Variants in AARS1 observed in about 807,000 individuals in gnomAD.
The protein encoded by AARS1 is alanine--tRNA ligase, cytoplasmic.
Under a neutral mutation model 108.9 loss-of-function variants are expected in AARS1, and 72 were observed. That is an observed-to-expected ratio of 0.66 (90% CI 0.55 to 0.80). AARS1 has a LOEUF of 0.80. Ranked by LOEUF, AARS1 falls within the 30% of genes least tolerant of loss-of-function variation. The pLI is 0.00. For synonymous variants in AARS1, 489 were observed against 465.7 expected (o/e 1.05, Z -0.64); for missense variants, 1,193 against 1,233.2 (o/e 0.97, Z 0.49).
chr16:70,273,027 T>A (rs1204531793), intron 4 of AARS1, among the ~76,000 whole-genome samples: 1 of 151,982 alleles, frequency 6.6e-6, no homozygotes, highest in Non-Finnish European at 1.5e-5. Flanking sequence ...AGCGTCAAGA[T>A]TAATATTTAA....
intron 19 of AARS1, 23 bp downstream of exon 19, chr16:70,253,691 G>A (rs1959905202): frequency 6.2e-7 from 1 of 1,611,738 alleles, no homozygotes; most frequent in Non-Finnish European, 8.5e-7. Context: ...CCCTAGGGGA[G>A]GGGACCCTGG....
rs57976512 is a variant in AARS1 at position 70,282,331 on chromosome 16, G to GAAAAAA, written c.144+283_144+288dup. 3.4e-4 allele frequency among the ~76,000 whole-genome samples: 38 copies of GAAAAAA among 110,288 alleles called. 2 individuals carry two copies. In the South Asian group the frequency reaches 0.012, roughly 34 times the overall value. 72.4% of individuals were successfully genotyped at this position (110,288 alleles called of 152,430 possible). A position where few individuals can be genotyped will look rare whatever the true frequency, so the allele number is the denominator to read the frequency against. On this transcript the variant is annotated intron_variant, in intron 2 of 20. Coordinates refer to ENST00000261772, the MANE Select transcript of AARS1 (RefSeq NM_001605.3). Reference sequence around the variant, plus strand: ...ATGACAGAGCGAGACTCCGTCTCAGGAAAAAAAAAAAAAAAAAAAAGCTAA... The same window carrying GAAAAAA: ...ATGACAGAGCGAGACTCCGTCTCAGGAAAAAAAAAAAAAAAAAAAAAAAAAAGCTAA...
intron 12 of AARS1, 42 bp from the exon 13 acceptor site, chr16:70,261,199 A>C (rs1319007795): frequency 6.9e-7 from 1 of 1,458,440 alleles, no homozygotes; most frequent in Non-Finnish European, 9.6e-7. Context: ...AAATCCTTAA[A>C]AACATACAAA....
chr16:70,261,235 C>A (rs1023660693), intron 12 of AARS1, 78 bp from the exon 13 acceptor site: 63 of 1,023,454 alleles, frequency 6.2e-5, no homozygotes, highest in Non-Finnish European at 8.7e-5. Flanking sequence ...AATATAAACT[C>A]GTGTATATAA....
At chr16:70,262,220 A>G in intron 12 of AARS1, 126 bp downstream of exon 12, 1 of 1,178,896 alleles carries the variant, frequency 8.5e-7, no homozygotes, top group Non-Finnish European at 1.3e-6. Context: ...CTTCAGAAAT[A>G]CCATGGAACC....
At chr16:70,285,668 C>G (rs996441584) in intron 1 of AARS1, among the ~76,000 whole-genome samples, 2 of 152,092 alleles carry the variant, frequency 1.3e-5, no homozygotes, top group African/African-American at 4.8e-5. Flanking sequence ...AGCCTGGTCT[C>G]GAACTCCTGA....
At position 70,282,706 on chromosome 16, in the gene AARS1, T is replaced by C. The variant is rs770697148; in HGVS notation, c.58A>G (p.Arg20Gly). ...IRQRFIDFFK[R>G]NEHTYVHSSA... ...GAGTGAACATACGTATGCTCGTTCCTCTTGAAGAAATCTATAAATCGCTGC... is the reference window on the plus strand; with the variant it reads ...GAGTGAACATACGTATGCTCGTTCCCCTTGAAGAAATCTATAAATCGCTGC... Residue 20 changes from arginine (R) to glycine (G), a missense_variant, in exon 2 of 21, where the codon AGG (arginine) becomes GGG (glycine). Arg to Gly is a moderately radical substitution (Grantham distance 125). Transcript: ENST00000261772. 1.2e-5 allele frequency: 20 copies of C among 1,614,026 alleles called. No individual in the cohort carries two copies. The Admixed American group carries it at 2.7e-4, about 22-fold the overall frequency.
At chr16:70,268,191 T>C (rs984391707) in intron 8 of AARS1, 80 bp downstream of exon 8, 3 of 1,331,566 alleles carry the variant, frequency 2.3e-6, no homozygotes, top group African/African-American at 1.4e-5. Flanking sequence ...AAAAAGCTGC[T>C]TAACAGTATG....
At position 70,271,981 on chromosome 16, in the gene AARS1, G is replaced by C. The variant is rs376371821; in HGVS notation, c.480-9C>G. The C allele has an allele frequency of 3.1e-6, 5 of 1,613,368 alleles. No homozygotes were observed. Among genetic ancestry groups the C allele is most frequent in the Non-Finnish European group, 4.2e-6 (5 of 1,179,480 alleles). The stretch of plus-strand genomic sequence containing the variant: ...TTTTGGTGTCATCCAGCCTGACAAA[G>C]GAGTAAAGATAAGTCCAGTTACAGC... On this transcript the variant is annotated splice_polypyrimidine_tract_variant and intron_variant, in intron 4 of 20. Coordinates refer to ENST00000261772, the MANE Select transcript of AARS1 (RefSeq NM_001605.3).
At position 70,255,185 on chromosome 16, in the gene AARS1, C is replaced by T. The variant is rs966897818; in HGVS notation, c.2287-451G>A. ...ATGGAGACAGGAGGGGGTAGATGGC[C>T]AGATTCACATTTTTTTTTTTTTTTT... is the stretch of plus-strand genomic sequence containing the variant. On this transcript the variant is annotated intron_variant, in intron 16 of 20. Transcript: ENST00000261772. Among the ~76,000 whole-genome samples, 4 of 148,396 alleles carry T rather than the reference C, an allele frequency of 2.7e-5. No homozygotes were observed. The Admixed American group carries it at 2.7e-4, about 10-fold the overall frequency.
At chr16:70,254,485 T>C (rs772188524) in intron 17 of AARS1, 136 bp downstream of exon 17, 7 of 711,328 alleles carry the variant, frequency 9.8e-6, no homozygotes, top group South Asian at 3.0e-5. Flanking sequence ...GCTACAAGGC[T>C]ACAGGACAAC....
intron 19 of AARS1, 158 bp from the exon 20 acceptor site, chr16:70,253,539 G>A (rs1959900303): frequency 3.9e-6 from 4 of 1,019,486 alleles, no homozygotes; most frequent in South Asian, 2.7e-5. Context: ...GCCGGGCCCT[G>A]CCCCTACCCT....
intron 16 of AARS1, among the ~76,000 whole-genome samples, chr16:70,255,432 T>C (rs1477396964): frequency 6.6e-6 from 1 of 152,026 alleles, no homozygotes; most frequent in Non-Finnish European, 1.5e-5. Flanking sequence ...ACTCTTGACC[T>C]AGTGATCCAC....
chr16:70,267,726 A>G lies in AARS1; in HGVS notation c.1155T>C (p.Thr385=). ...INEEEVQFLK[T]LSRGRRILDR... is the part of the protein sequence containing the mutation. ...CCAGGATGCGACGCCCTCTGCTGAG[A>G]GTCTTGAGAAACTGCACCTCTTCTT... The change falls in exon 9 of 21, where the codon ACT becomes ACC. Residue 385 remains threonine (T), a synonymous_variant. Transcript: ENST00000261772. 1 of 1,614,116 alleles carries G rather than the reference A, an allele frequency of 6.2e-7. No homozygotes were observed.
At chr16:70,268,745 T>C (rs1342429533) in intron 7 of AARS1, among the ~76,000 whole-genome samples, 1 of 152,158 alleles carries the variant, frequency 6.6e-6, no homozygotes, top group Admixed American at 6.6e-5. Context: ...GCCAATCTCC[T>C]ATCAGGCAAC....
intron 4 of AARS1, among the ~76,000 whole-genome samples, chr16:70,272,925 A>ACACACACACACACAC (rs1567608990): frequency 5.6e-5 from 4 of 71,094 alleles, no homozygotes; most frequent in African/African-American, 2.9e-4. Flanking sequence ...CACACACACA[A>ACACACACACACACAC]AAGATTGTGC....
At chr16:70,262,317 C>T (rs1245999408) in intron 12 of AARS1, 29 bp downstream of exon 12, 17 of 1,613,852 alleles carry the variant, frequency 1.1e-5, no homozygotes, top group East Asian at 8.9e-5. Context: ...TGGCCCTCCT[C>T]GGCTAACAAG....
chr16:70,261,944 T>C (rs1960142267), intron 12 of AARS1, among the ~76,000 whole-genome samples: 1 of 152,128 alleles, frequency 6.6e-6, no homozygotes, highest in East Asian at 1.9e-4. Flanking sequence ...GCTAGGATTA[T>C]AGTCATGAGC....
At position 70,261,165 on chromosome 16, in the gene AARS1, G is replaced by A. The variant is rs1450031947; in HGVS notation, c.1672-8C>T. The stretch of plus-strand genomic sequence containing the variant: ...CACTGTAAACTCTGTTTTCTAAGAG[G>A]GGTCAAGGAAGAGACCAATAAATAA... On this transcript the variant is annotated splice_polypyrimidine_tract_variant and splice_region_variant and intron_variant, in intron 12 of 20. Coordinates refer to ENST00000261772, the MANE Select transcript of AARS1 (RefSeq NM_001605.3). The A allele has an allele frequency of 1.2e-6, 2 of 1,601,234 alleles. No individual in the cohort carries two copies. The highest frequency in any genetic ancestry group is 1.3e-5 in the African/African-American group (1 of 74,584).
Sources: allele counts gnomAD v4.1 joint callset (sites outside exome capture counted in the v4.1 genomes callset), GRCh38; gene constraint gnomAD v4.1.1; transcripts MANE v1.5; gene names NCBI Gene and HGNC (gene_info 2026-07-23, HGNC 2026-07-21).